Variants in ROBO2 observed in about 807,000 individuals in gnomAD.
ROBO2 encodes the protein roundabout homolog 2.
In ROBO2, 53 loss-of-function variants were observed where a neutral mutation model predicts 160.8. The ratio of observed to expected loss-of-function variants is 0.33; its 90% confidence interval spans 0.26 to 0.41. ROBO2 has a LOEUF of 0.41. Ranked by LOEUF, ROBO2 falls within the 10% of genes least tolerant of loss-of-function variation. ROBO2 has a pLI of 1.00. For synonymous variants in ROBO2, 664 were observed against 611.7 expected, an observed-to-expected ratio of 1.09 and a Z score of -1.26; for missense variants, 1,577 against 1,722.4, an observed-to-expected ratio of 0.92 and a Z score of 1.49.
chr3:77,149,118 C>T (rs1372863234), intron 2 of ROBO2, among the ~76,000 whole-genome samples: 1 of 150,942 alleles, frequency 6.6e-6, no homozygotes, highest in Non-Finnish European at 1.5e-5. Context: ...TCACTGCAAC[C>T]TCTGCCCCCT....
At position 76,065,987 on chromosome 3, in the gene ROBO2, A is replaced by T. The variant is rs2068241535; in HGVS notation, c.109+128385A>T. On this transcript the variant is annotated intron_variant, in intron 2 of 26. Transcript: ENST00000487694. ...CTTAATTGAACCCTAAGTACAATTT[A>T]GGATTGTTTTCTTTTGCTTTGTGTT... Among the ~76,000 whole-genome samples, 5 of 96,244 alleles carry T rather than the reference A, an allele frequency of 5.2e-5. No individual in the cohort carries two copies. The South Asian group carries it at 1.8e-3, about 35-fold the overall frequency. The allele number at this position is 96,244 out of a possible 152,430, so 63.1% of individuals were successfully genotyped here.
chr3:76,546,895 A>G (rs535569718), intron 2 of ROBO2, among the ~76,000 whole-genome samples: 11 of 152,100 alleles, frequency 7.2e-5, no homozygotes, highest in African/African-American at 2.6e-4. Flanking sequence ...ACTACTGAAA[A>G]GGTAAAGTTT....
chr3:77,404,731 C>A (rs1033672862), intron 2 of ROBO2, among the ~76,000 whole-genome samples: 1 of 152,100 alleles, frequency 6.6e-6, no homozygotes, highest in Admixed American at 6.6e-5. Context: ...GTAAAATATT[C>A]ATTTGCTTTG....
chr3:76,565,316 TA>T (rs1446780461), intron 2 of ROBO2, among the ~76,000 whole-genome samples: 2 of 152,348 alleles, frequency 1.3e-5, no homozygotes, highest in African/African-American at 4.8e-5. Flanking sequence ...TTTACCTCAA[TA>T]GAAATAGCAT....
At chr3:77,204,233 C>G (rs912579806) in intron 2 of ROBO2, among the ~76,000 whole-genome samples, 1 of 152,158 alleles carries the variant, frequency 6.6e-6, no homozygotes, top group African/African-American at 2.4e-5. Flanking sequence ...TACCTCTGAA[C>G]CTGCTTCCTC....
At chr3:76,597,109 T>C (rs1193792178) in intron 2 of ROBO2, among the ~76,000 whole-genome samples, 1 of 152,034 alleles carries the variant, frequency 6.6e-6, no homozygotes, top group Non-Finnish European at 1.5e-5. Context: ...TTATAAACAG[T>C]GAGTCAAATG....
At chr3:76,359,021 T>A (rs1389254221) in intron 2 of ROBO2, among the ~76,000 whole-genome samples, 4 of 146,056 alleles carry the variant, frequency 2.7e-5, no homozygotes, top group Non-Finnish European at 6.0e-5. Context: ...GAACACGCGG[T>A]GTTTGGTTTT....
At chr3:77,319,299 T>A (rs905123132) in intron 2 of ROBO2, among the ~76,000 whole-genome samples, 1 of 152,340 alleles carries the variant, frequency 6.6e-6, no homozygotes, top group African/African-American at 2.4e-5. Context: ...TTTTACATCC[T>A]GTATTGTTTA....
intron 2 of ROBO2, among the ~76,000 whole-genome samples, chr3:77,189,918 G>A (rs1452228567): frequency 6.6e-6 from 1 of 151,786 alleles, no homozygotes; most frequent in Non-Finnish European, 1.5e-5. Context: ...TTTCCCAGAT[G>A]TAGTTCTACC....
At chr3:77,225,275 C>G (rs187732899) in intron 2 of ROBO2, among the ~76,000 whole-genome samples, 1 of 151,980 alleles carries the variant, frequency 6.6e-6, no homozygotes, top group African/African-American at 2.4e-5. Context: ...AATTACTATG[C>G]TCATGTTGTT....
intron 2 of ROBO2, among the ~76,000 whole-genome samples, chr3:76,050,474 T>A (rs113431655): frequency 0.012 from 1,762 of 152,218 alleles, 33 homozygotes; most frequent in African/African-American, 0.04. Flanking sequence ...CTTCACCTTA[T>A]GATCATGTGA....
chr3:76,174,862 A>G (rs1390609070), intron 2 of ROBO2, among the ~76,000 whole-genome samples: 1 of 152,120 alleles, frequency 6.6e-6, no homozygotes, highest in East Asian at 1.9e-4. Context: ...TTTTGGTTCC[A>G]TATAAAATTT....
At chr3:77,277,149 CTTCTTTCCTTCTTTCT>C (rs1442680708) in intron 2 of ROBO2, among the ~76,000 whole-genome samples, 12 of 100,070 alleles carry the variant, frequency 1.2e-4, no homozygotes, top group South Asian at 7.6e-4. Flanking sequence ...TCCTTCTTTC[CTTCTTTCCTTCTTTCT>C]TTCTTTCTTT....
chr3:77,293,934 T>A (rs1488376527), intron 2 of ROBO2, among the ~76,000 whole-genome samples: 1 of 141,192 alleles, frequency 7.1e-6, no homozygotes, highest in Non-Finnish European at 1.5e-5. Context: ...TAAAGTAAAA[T>A]TGATGGTTAA....
chr3:76,657,063 CT>C (rs1425235420), intron 2 of ROBO2, among the ~76,000 whole-genome samples: 2 of 151,948 alleles, frequency 1.3e-5, no homozygotes, highest in East Asian at 3.9e-4. Flanking sequence ...TTGGATTCCT[CT>C]TTTTTTTCCC....
intron 24 of ROBO2, 102 bp downstream of exon 26, chr3:77,643,045 T>C (rs963118514): frequency 2.5e-6 from 1 of 404,242 alleles, no homozygotes; most frequent in African/African-American, 2.1e-5. Flanking sequence ...GAAAAACATT[T>C]GCCTTCAATC....
chr3:76,872,678 A>G lies in ROBO2; in HGVS notation c.110-225336A>G, dbSNP rs769440056. On this transcript the variant is annotated intron_variant, in intron 2 of 26. Coordinates refer to the ROBO2 transcript ENST00000487694. Reference sequence around the variant, plus strand: ...TATATGGCATCAGGATATTTTTTCTATGTTTTCTATAAATTTTAAATATGA... The same window carrying G: ...TATATGGCATCAGGATATTTTTTCTGTGTTTTCTATAAATTTTAAATATGA... Among the ~76,000 whole-genome samples, 20 of 152,084 alleles carry G rather than the reference A, an allele frequency of 1.3e-4. No homozygotes were observed. In the South Asian group the frequency reaches 1.9e-3, roughly 14 times the overall value.
chr3:76,433,538 C>T (rs545576443), intron 2 of ROBO2, among the ~76,000 whole-genome samples: 9 of 152,038 alleles, frequency 5.9e-5, no homozygotes, highest in East Asian at 3.9e-4. Flanking sequence ...ATTTTTTCTG[C>T]GTAAACCTAT....
At chr3:77,555,535 A>C (rs1161518902) in intron 8 of ROBO2, among the ~76,000 whole-genome samples, 2 of 151,896 alleles carry the variant, frequency 1.3e-5, no homozygotes, top group East Asian at 3.9e-4. Flanking sequence ...TCTCTAAAAG[A>C]CTTCCGCATT....
Sources: gnomAD v4.1 joint callset for allele counts (sites outside exome capture counted in the v4.1 genomes callset) on GRCh38, gnomAD v4.1.1 for gene constraint, MANE v1.5 for transcripts, NCBI Gene and HGNC (gene_info 2026-07-23, HGNC 2026-07-21) for gene names.